Variants in E4F1 observed in about 807,000 individuals in gnomAD.
The protein encoded by E4F1 is transcription factor E4F1.
A neutral mutation model predicts 72.9 loss-of-function variants in E4F1; 30 were observed. The observed-to-expected ratio is 0.41, with a 90% confidence interval of 0.31 to 0.56. E4F1 has a LOEUF of 0.56. Among genes scored for constraint, E4F1 ranks in the 20% least tolerant of loss-of-function variants. The pLI is 0.25. For missense variants in E4F1, 1,091 were observed against 1,117.5 expected (o/e 0.98, Z 0.34); for synonymous variants, 542 against 478.2 (o/e 1.13, Z -1.74).
At chr16:2,234,423 C>A in intron 10 of E4F1, 35 bp downstream of exon 10, 1 of 1,606,772 alleles carries the variant, frequency 6.2e-7, no homozygotes, top group South Asian at 1.1e-5. Context: ...GGCGCCTGAT[C>A]CCCCCATCCT....
intron 5 of E4F1, 32 bp from the exon 6 acceptor site, chr16:2,232,724 G>C (rs758235332): frequency 6.2e-7 from 1 of 1,611,362 alleles, no homozygotes. Flanking sequence ...GCCTGCTGGG[G>C]CTGCCCGGGG....
At chr16:2,226,310 T>C (rs1178874086) in intron 1 of E4F1, among the ~76,000 whole-genome samples, 2 of 152,062 alleles carry the variant, frequency 1.3e-5, no homozygotes, top group African/African-American at 4.8e-5. Flanking sequence ...TGGTGTGAAA[T>C]GGGCTGGGTG....
intron 3 of E4F1, 83 bp downstream of exon 3, chr16:2,229,758 C>T (rs1000704081): frequency 7.6e-6 from 11 of 1,451,346 alleles, no homozygotes; most frequent in African/African-American, 4.2e-5. Context: ...CCTGTATGCT[C>T]GTCTCTCCCG....
intron 1 of E4F1, 59 bp downstream of exon 1, chr16:2,223,829 A>G (rs1341080740): frequency 6.5e-7 from 1 of 1,531,532 alleles, no homozygotes; most frequent in South Asian, 1.2e-5. Flanking sequence ...CCGGGCTGGC[A>G]GAGGCCCGGA....
chr16:2,233,796 G>A, intron 8 of E4F1, 86 bp from the exon 9 acceptor site: 1 of 1,426,570 alleles, frequency 7.0e-7, no homozygotes, highest in Non-Finnish European at 9.5e-7. Context: ...AAGGGAGCCT[G>A]CCAGGGTGGG....
In E4F1 at chr16:2,229,587, A is replaced by C; in HGVS notation, c.327A>C (p.Pro109=). Residue 109 remains proline (P), a synonymous_variant, in exon 3 of 14, where the codon CCA becomes CCC. Coordinates refer to ENST00000301727, the MANE Select transcript of E4F1 (RefSeq NM_004424.5). ...LLGQEVVPAA[P]GPEEPITVAH... ...TTTGGCAGGTGGTGCCGGCAGCACCAGGCCCAGAGGAGCCCATCACTGTGG... is the reference window on the plus strand; with the variant it reads ...TTTGGCAGGTGGTGCCGGCAGCACCCGGCCCAGAGGAGCCCATCACTGTGG... 1 of 1,611,722 alleles carries C rather than the reference A, an allele frequency of 6.2e-7. No homozygotes were observed. The highest frequency in any genetic ancestry group is 8.5e-7 in the Non-Finnish European group (1 of 1,179,838).
chr16:2,227,128 C>T (rs1309063182), intron 1 of E4F1, among the ~76,000 whole-genome samples: 1 of 152,172 alleles, frequency 6.6e-6, no homozygotes, highest in Non-Finnish European at 1.5e-5. Flanking sequence ...GCAGCCTCCA[C>T]CCCTGGGCTC....
rs531619455 is a variant in E4F1 at position 2,229,787 on chromosome 16, G to A, written c.415+112G>A. Reference sequence around the variant, plus strand: ...TCTCCCGAGACCAGGGCCTGGCTGGGAGGGGCCGCGGCCTCGTGGCAGCCT... The same window carrying A: ...TCTCCCGAGACCAGGGCCTGGCTGGAAGGGGCCGCGGCCTCGTGGCAGCCT... On this transcript the variant is annotated intron_variant, in intron 3 of 13. Transcript: ENST00000301727. 9.8e-5 allele frequency: 119 copies of A among 1,208,692 alleles called. 3 individuals are homozygous for A. The South Asian group carries it at 1.4e-3, about 15-fold the overall frequency. 74.9% of individuals were successfully genotyped at this position (1,208,692 alleles called of 1,614,324 possible). A position where few individuals can be genotyped will look rare whatever the true frequency, so the allele number is the denominator to read the frequency against.
At chr16:2,228,882 C>T (rs932247986) in intron 2 of E4F1, among the ~76,000 whole-genome samples, 1 of 152,228 alleles carries the variant, frequency 6.6e-6, no homozygotes, top group African/African-American at 2.4e-5. Flanking sequence ...CTAGGGACTT[C>T]ACACGTGAAG....
Position 2,233,066 on chromosome 16 carries a change from G to A in E4F1, c.939G>A (p.Glu313=). 1 of 1,612,366 alleles carries A rather than the reference G, an allele frequency of 6.2e-7. No homozygotes were observed. Among genetic ancestry groups the A allele is most frequent in the South Asian group, 1.1e-5 (1 of 91,056 alleles). Residue 313 remains glutamate, a synonymous_variant, in exon 7 of 14, where the codon GAG becomes GAA. Transcript: ENST00000301727. ...LGTATSSVTG[E]PIETSPVIHL... ...CAGCCACATCATCGGTGACAGGCGA[G>A]CCTATAGAGACTTCACCCGTGATTC...
rs578188535 is a variant in E4F1 at position 2,229,741 on chromosome 16, C to T, written c.415+66C>T. 31 of 1,545,388 alleles carry T rather than the reference C, an allele frequency of 2.0e-5. No individual in the cohort carries two copies. The South Asian group carries it at 3.4e-4, about 17-fold the overall frequency. On this transcript the variant is annotated intron_variant, in intron 3 of 13. Transcript: ENST00000301727. ...GTGGTTGGGGCCAGAGGATGGGGCC[C>T]CTGCTGCCTGTATGCTCGTCTCTCC...
Position 2,232,252 on chromosome 16 carries a change from C to G in E4F1, c.497C>G (p.Pro166Arg), listed in dbSNP as rs2093471762. 1 of 1,612,506 alleles carries G rather than the reference C, an allele frequency of 6.2e-7. No homozygotes were observed. The highest frequency in any genetic ancestry group is 8.5e-7 in the Non-Finnish European group (1 of 1,179,752). The change falls in exon 4 of 14, where the codon CCC becomes CGC. Residue 166 changes from proline to arginine, a missense_variant. By Grantham distance (103) the Pro-to-Arg change is moderately radical. Around this residue, in one of 5 missense-constraint regions of E4F1, gnomAD observed 362 missense variants for 358.6 expected, o/e 1.01. Coordinates refer to ENST00000301727, the MANE Select transcript of E4F1 (RefSeq NM_004424.5). ...DGEMAEAPGS[P>R]RQQGLGLAGE... ...GAGATGGCCGAGGCCCCGGGCAGCC[C>G]CCGCCAGCAGGGGCTGGGGCTCGCA...
rs770518103 is a variant in E4F1 at position 2,233,707 on chromosome 16, C to T, written c.1266+60C>T. The T allele has an allele frequency of 2.9e-5, 43 of 1,497,734 alleles. 1 individual carries two copies. Among genetic ancestry groups the T allele is most frequent in the Admixed American group, 1.9e-4 (9 of 47,748 alleles). The allele number at this position is 1,497,734 out of a possible 1,614,324, so 92.8% of individuals were successfully genotyped here. A position where few individuals can be genotyped will look rare whatever the true frequency, so the allele number is the denominator to read the frequency against. ...GGCTGGATCCCAGGGGCTGTCCCCA[C>T]GCTGGCCTTCGCCTCCCTGAAGTGG... On this transcript the variant is annotated intron_variant, in intron 8 of 13. Coordinates refer to ENST00000301727, the MANE Select transcript of E4F1 (RefSeq NM_004424.5).
chr16:2,226,644 A>C (rs984367739), intron 1 of E4F1, among the ~76,000 whole-genome samples: 1 of 152,216 alleles, frequency 6.6e-6, no homozygotes, highest in Non-Finnish European at 1.5e-5. Context: ...AACAGCTCCT[A>C]TCCCTTTGTG....
chr16:2,226,393 G>A (rs2093433088), intron 1 of E4F1, among the ~76,000 whole-genome samples: 1 of 152,216 alleles, frequency 6.6e-6, no homozygotes, highest in Non-Finnish European at 1.5e-5. Flanking sequence ...AGTAGGGTGG[G>A]AAGGGGAAGA....
chr16:2,224,966 A>G (rs2093422801), intron 1 of E4F1, among the ~76,000 whole-genome samples: 1 of 151,924 alleles, frequency 6.6e-6, no homozygotes, highest in Admixed American at 6.6e-5. Context: ...TAATCCCAGC[A>G]CTTTGGGAGG....
intron 3 of E4F1, chr16:2,229,994 C>T: frequency 3.0e-6 from 1 of 335,424 alleles, no homozygotes; most frequent in Non-Finnish European, 5.9e-6. Context: ...CCTGCCACCC[C>T]CTGGTTCCTG....
chr16:2,228,541 C>G lies in E4F1; in HGVS notation c.309+18C>G. ...GCCAGGAGGTGAGCCCTCACCCACT[C>G]CCCCATCCCCTCCCGGGTTCACCTG... On this transcript the variant is annotated intron_variant, in intron 2 of 13. Transcript: ENST00000301727. 2 of 1,607,282 alleles carry G rather than the reference C, an allele frequency of 1.2e-6. No homozygotes were observed. The highest frequency in any genetic ancestry group is 1.7e-4 in the Middle Eastern group (1 of 5,752).
intron 8 of E4F1, 78 bp from the exon 9 acceptor site, chr16:2,233,804 G>A: frequency 7.0e-7 from 1 of 1,436,042 alleles, no homozygotes; most frequent in Non-Finnish European, 9.4e-7. Flanking sequence ...CTGCCAGGGT[G>A]GGGCCCATGG....
Sources: gnomAD v4.1 joint callset for allele counts (sites outside exome capture counted in the v4.1 genomes callset) on GRCh38, gnomAD v4.1.1 for gene constraint, gnomAD v4.1.1 regional missense constraint, MANE v1.5 for transcripts, NCBI Gene and HGNC (gene_info 2026-07-23, HGNC 2026-07-21) for gene names.